The following LPP variants were observed in gnomAD, a reference collection of about 807,000 sequenced individuals.
LPP encodes the protein LIM domain containing preferred translocation partner in lipoma.
Under a neutral mutation model 60.4 loss-of-function variants are expected in LPP, and 38 were observed. The ratio of observed to expected loss-of-function variants is 0.63; its 90% CI spans 0.49 to 0.83. The LOEUF (loss-of-function observed/expected upper bound fraction) is 0.83. LPP is among the 40% of genes least tolerant of loss of function. The pLI is 0.00. For missense variants in LPP, 902 were observed against 783.6 expected, an observed-to-expected ratio of 1.15 and a Z score of -1.80; for synonymous variants, 328 against 290.8, an observed-to-expected ratio of 1.13 and a Z score of -1.30.
intron 8 of LPP, among the ~76,000 whole-genome samples, chr3:188,731,516 T>TTTTTGTTTGTTTTGTTTTGTTTTG (rs1553817770): frequency 6.9e-6 from 1 of 145,700 alleles, no homozygotes; most frequent in African/African-American, 2.6e-5. Flanking sequence ...TTTTTTGTTT[T>TTTTTGTTTGTTTTGTTTTGTTTTG]TTTTGTTTTG....
intron 3 of LPP, among the ~76,000 whole-genome samples, chr3:188,366,566 A>G (rs965019871): frequency 3.3e-5 from 5 of 152,108 alleles, no homozygotes; most frequent in Non-Finnish European, 7.4e-5. Flanking sequence ...TGAATTCCTT[A>G]ACGTGTGTGA....
intron 3 of LPP, among the ~76,000 whole-genome samples, chr3:188,379,062 C>T (rs1010442617): frequency 1.3e-5 from 2 of 151,754 alleles, no homozygotes; most frequent in Non-Finnish European, 2.9e-5. Context: ...TCCCCACTAG[C>T]CAGGCCAAGA....
intron 8 of LPP, among the ~76,000 whole-genome samples, chr3:188,743,346 A>G (rs149726620): frequency 7.9e-5 from 12 of 152,174 alleles, no homozygotes; most frequent in African/African-American, 2.6e-4. Context: ...CTGAGGGGAC[A>G]TTTGAGACGA....
intron 7 of LPP, among the ~76,000 whole-genome samples, chr3:188,661,148 A>T (rs964879976): frequency 1.3e-5 from 2 of 152,134 alleles, no homozygotes; most frequent in African/African-American, 2.4e-5. Context: ...AGGTTCATCC[A>T]TGTCTTCTCA....
chr3:188,736,090 A>G (rs896762814), intron 8 of LPP, among the ~76,000 whole-genome samples: 5 of 152,248 alleles, frequency 3.3e-5, no homozygotes, highest in African/African-American at 4.8e-5. Flanking sequence ...CGCACAGTCC[A>G]GATAGACTGC....
At chr3:188,726,283 C>T (rs950223106) in intron 8 of LPP, among the ~76,000 whole-genome samples, 26 of 152,052 alleles carry the variant, frequency 1.7e-4, no homozygotes, top group African/African-American at 5.8e-4. Context: ...TTCAAAGGGG[C>T]GTAAGAGGGA....
At chr3:188,687,900 G>C (rs539564922) in intron 7 of LPP, among the ~76,000 whole-genome samples, 1 of 150,432 alleles carries the variant, frequency 6.6e-6, no homozygotes, top group Admixed American at 6.7e-5. Context: ...TCAGCCTCCC[G>C]AGTAGCTGGG....
chr3:188,317,221 C>CT (rs995497342), intron 2 of LPP, among the ~76,000 whole-genome samples: 10 of 148,656 alleles, frequency 6.7e-5, no homozygotes, highest in South Asian at 2.2e-4. Flanking sequence ...AGTTGGAAAA[C>CT]TTTTTTTTTT....
At chr3:188,464,195 A>G (rs941089543) in intron 4 of LPP, among the ~76,000 whole-genome samples, 1 of 152,184 alleles carries the variant, frequency 6.6e-6, no homozygotes, top group African/African-American at 2.4e-5. Flanking sequence ...CATAAGTTAG[A>G]TTTCTTGCTT....
chr3:188,343,219 T>C (rs1187141907), intron 3 of LPP, among the ~76,000 whole-genome samples: 3 of 152,108 alleles, frequency 2.0e-5, no homozygotes, highest in East Asian at 1.9e-4. Context: ...CCTGTGTCCA[T>C]GTGTTCTCGT....
intron 3 of LPP, among the ~76,000 whole-genome samples, chr3:188,400,532 C>T (rs1782000207): frequency 6.6e-6 from 1 of 152,172 alleles, no homozygotes; most frequent in Non-Finnish European, 1.5e-5. Context: ...GCTGGGGGAA[C>T]AGACAGAAGA....
chr3:188,404,484 AT>A (rs1445475790), intron 3 of LPP, among the ~76,000 whole-genome samples: 2 of 152,088 alleles, frequency 1.3e-5, no homozygotes, highest in Non-Finnish European at 2.9e-5. Flanking sequence ...GCCTCAAGTG[AT>A]CCTTCTGCCT....
chr3:188,549,448 T>C (rs1265522861), intron 6 of LPP, among the ~76,000 whole-genome samples: 1 of 152,198 alleles, frequency 6.6e-6, no homozygotes, highest in African/African-American at 2.4e-5. Context: ...CCACTGTCTA[T>C]AGGAATAAAA....
At chr3:188,313,712 T>C (rs1179557462) in intron 2 of LPP, among the ~76,000 whole-genome samples, 1 of 152,172 alleles carries the variant, frequency 6.6e-6, no homozygotes, top group African/African-American at 2.4e-5. Context: ...TGGGTTTATT[T>C]GTTAGCATTA....
chr3:188,373,630 G>A (rs1773981321), intron 3 of LPP, among the ~76,000 whole-genome samples: 2 of 151,934 alleles, frequency 1.3e-5, no homozygotes, highest in South Asian at 4.1e-4. Context: ...TGAGTAGGTT[G>A]CAAAAATTTT....
chr3:188,747,421 C>G (rs909507754), intron 8 of LPP, among the ~76,000 whole-genome samples: 3 of 152,198 alleles, frequency 2.0e-5, no homozygotes, highest in African/African-American at 7.2e-5. Flanking sequence ...TGACTATTTT[C>G]TCTCTCACAC....
At chr3:188,792,699 T>G (rs1453570239) in intron 9 of LPP, among the ~76,000 whole-genome samples, 1 of 152,140 alleles carries the variant, frequency 6.6e-6, no homozygotes, top group Non-Finnish European at 1.5e-5. Flanking sequence ...TTAGATTAAT[T>G]TACTCTTTCT....
chr3:188,669,369 G>T (rs555883403), intron 7 of LPP, among the ~76,000 whole-genome samples: 2 of 152,242 alleles, frequency 1.3e-5, no homozygotes, highest in South Asian at 2.1e-4. Flanking sequence ...GAAGTCAGGA[G>T]ATCGAGACCA....
chr3:188,283,303 A>G (rs1467276687), intron 2 of LPP, among the ~76,000 whole-genome samples: 1 of 152,160 alleles, frequency 6.6e-6, no homozygotes, highest in Non-Finnish European at 1.5e-5. Flanking sequence ...TTTGACTTTG[A>G]TTATTAATCT....
Sources: gnomAD v4.1 joint callset for allele counts (sites outside exome capture counted in the v4.1 genomes callset) on GRCh38, gnomAD v4.1.1 for gene constraint, MANE v1.5 for transcripts, NCBI Gene and HGNC (gene_info 2026-07-23, HGNC 2026-07-21) for gene names.